CSMD2: variants seen among roughly 807,000 people sequenced by gnomAD.
The protein encoded by CSMD2 is CUB and sushi domain-containing protein 2.
Under a neutral mutation model 398.5 loss-of-function variants are expected in CSMD2, and 130 were observed. The observed-to-expected ratio is 0.33, with a 90% CI of 0.28 to 0.38. CSMD2 has a LOEUF of 0.38. Ranked by LOEUF, CSMD2 falls within the 10% of genes least tolerant of loss-of-function variation. The probability of loss-of-function intolerance (pLI) is 1.00; values close to 1 mark genes in which losing one functional copy is unlikely to be tolerated. For synonymous variants in CSMD2, 1,828 were observed against 1,908.5 expected (o/e 0.96, Z 1.10); for missense variants, 3,829 against 4,764.9 (o/e 0.80, Z 5.78).
At chr1:33,822,363 T>C (rs1658254231) in intron 7 of CSMD2, among the ~76,000 whole-genome samples, 1 of 152,054 alleles carries the variant, frequency 6.6e-6, no homozygotes, top group South Asian at 2.1e-4. Context: ...GGGAGCTCGT[T>C]TTAGACTCAC....
chr1:33,895,727 C>T (rs1363056339), intron 5 of CSMD2, among the ~76,000 whole-genome samples: 1 of 152,166 alleles, frequency 6.6e-6, no homozygotes, highest in African/African-American at 2.4e-5. Context: ...GAGGGGGATG[C>T]CGCATCTCAT....
chr1:34,052,168 T>TACACACACAC lies in CSMD2; in HGVS notation c.405-19472_405-19463dup, dbSNP rs35006153. Reference sequence around the variant, plus strand: ...AATTCCTTATAATAAAGCATATGTATACACACACACACACACACACACACA... The same window carrying TACACACACAC: ...AATTCCTTATAATAAAGCATATGTATACACACACACACACACACACACACACACACACACA... On this transcript the variant is annotated intron_variant, in intron 2 of 70. Transcript: ENST00000373381. Among the ~76,000 whole-genome samples the TACACACACAC allele has an allele frequency of 3.5e-3, 521 of 147,024 alleles. 2 individuals carry two copies. Among genetic ancestry groups the TACACACACAC allele is most frequent in the African/African-American group, 0.012 (493 of 39,806 alleles).
intron 10 of CSMD2, among the ~76,000 whole-genome samples, chr1:33,805,127 C>G (rs935815304): frequency 1.3e-5 from 2 of 152,262 alleles, no homozygotes; most frequent in Non-Finnish European, 2.9e-5. Flanking sequence ...GCTAGGCCTT[C>G]TGGGGGTGAA....
chr1:33,531,546 C>T (rs1655234473), intron 64 of CSMD2, among the ~76,000 whole-genome samples: 2 of 152,094 alleles, frequency 1.3e-5, no homozygotes, highest in South Asian at 4.1e-4. Flanking sequence ...TTTGTAATAG[C>T]CAAAAAGTGG....
At chr1:33,948,583 C>G (rs1644910120) in intron 3 of CSMD2, among the ~76,000 whole-genome samples, 1 of 152,230 alleles carries the variant, frequency 6.6e-6, no homozygotes, top group Admixed American at 6.5e-5. Flanking sequence ...CTCTCCCACA[C>G]ATTTGAATAA....
Position 34,051,956 on chromosome 1 carries a change from C to T in CSMD2, c.405-19250G>A, listed in dbSNP as rs115292942. Among the ~76,000 whole-genome samples the T allele has an allele frequency of 3.7e-3, 567 of 152,170 alleles. 6 individuals carry two copies. Among genetic ancestry groups the T allele is most frequent in the African/African-American group, 0.013 (535 of 41,506 alleles). ...CTAATGGGGGTGGGGGTTATCCAAT[C>T]CATTAAGGGCCTAAATAGAACAAAA... On this transcript the variant is annotated intron_variant, in intron 2 of 70. Coordinates refer to ENST00000373381, the MANE Select transcript of CSMD2 (RefSeq NM_001281956.2).
At chr1:33,553,950 C>G (rs529406799) in intron 55 of CSMD2, among the ~76,000 whole-genome samples, 1 of 152,202 alleles carries the variant, frequency 6.6e-6, no homozygotes, top group African/African-American at 2.4e-5. Context: ...GGCCCTGACC[C>G]TCTTCAATTC....
rs1197752830 is a variant in CSMD2, at chr1:33,756,122, C to T, written c.1847-12516G>A. 1.2e-4 allele frequency among the ~76,000 whole-genome samples: 18 copies of T among 152,294 alleles called. No individual in the cohort carries two copies. In the East Asian group the frequency reaches 3.3e-3, roughly 28 times the overall value. On this transcript the variant is annotated intron_variant, in intron 13 of 70. Coordinates refer to ENST00000373381, the MANE Select transcript of CSMD2 (RefSeq NM_001281956.2). Reference sequence around the variant, plus strand: ...GTCATTTGAAAGCTTTCCTCTCTACCTGGCTTTTACCTTTTGAAATATGAA... The same window carrying T: ...GTCATTTGAAAGCTTTCCTCTCTACTTGGCTTTTACCTTTTGAAATATGAA...
At chr1:34,068,204 C>T (rs1655329411) in intron 2 of CSMD2, among the ~76,000 whole-genome samples, 1 of 152,218 alleles carries the variant, frequency 6.6e-6, no homozygotes, top group South Asian at 2.1e-4. Flanking sequence ...AGTGAACAGC[C>T]TGAAGTCCTC....
intron 3 of CSMD2, among the ~76,000 whole-genome samples, chr1:34,028,200 G>A (rs1649929264): frequency 6.6e-6 from 1 of 151,938 alleles, no homozygotes; most frequent in African/African-American, 2.4e-5. Context: ...GCGTGTCTGC[G>A]GTCCCAGCTA....
chr1:34,103,354 A>G (rs1348512401), intron 1 of CSMD2, among the ~76,000 whole-genome samples: 1 of 130,916 alleles, frequency 7.6e-6, no homozygotes, highest in East Asian at 2.4e-4. Flanking sequence ...GCTGGAGTGC[A>G]GTGGTGCGAT....
rs576888796 is a variant in CSMD2 at position 34,123,816 on chromosome 1, AAC to A, written c.188-34625_188-34624del. On this transcript the variant is annotated intron_variant, in intron 1 of 70. Coordinates refer to ENST00000373381, the MANE Select transcript of CSMD2 (RefSeq NM_001281956.2). ...TGGCTGTGTGAGAGCAGGAAAAAAA[AAC>A]AACAACATGGCTTAAGAGAGCTTTT... 9.5e-3 allele frequency among the ~76,000 whole-genome samples: 1,454 copies of A among 152,254 alleles called. 19 individuals carry two copies. The highest frequency in any genetic ancestry group is 0.034 in the African/African-American group (1,397 of 41,516).
At chr1:34,084,701 A>G (rs1657654701) in intron 2 of CSMD2, among the ~76,000 whole-genome samples, 1 of 152,048 alleles carries the variant, frequency 6.6e-6, no homozygotes, top group Non-Finnish European at 1.5e-5. Flanking sequence ...CACCAGTTAG[A>G]ATGGCGATCA....
chr1:33,545,987 G>A lies in CSMD2; in HGVS notation c.9100+50C>T, dbSNP rs922044146. On this transcript the variant is annotated intron_variant, in intron 57 of 70. Coordinates refer to ENST00000373381, the MANE Select transcript of CSMD2 (RefSeq NM_001281956.2). Reference sequence around the variant, plus strand: ...TGGGAATAAGAGCAGGAGCAGGGGCGAGCTCTGGGGCTGGGCAAAGGGGAG... The same window carrying A: ...TGGGAATAAGAGCAGGAGCAGGGGCAAGCTCTGGGGCTGGGCAAAGGGGAG... The A allele has an allele frequency of 2.2e-5, 34 of 1,551,346 alleles. 1 individual carries two copies. The highest frequency in any genetic ancestry group is 1.0e-4 in the Admixed American group (6 of 57,822).
At chr1:33,953,188 G>A (rs2125374696) in intron 3 of CSMD2, among the ~76,000 whole-genome samples, 1 of 152,316 alleles carries the variant, frequency 6.6e-6, no homozygotes, top group African/African-American at 2.4e-5. Context: ...TACATTGGCT[G>A]GATGTTGTTG....
At position 33,521,486 on chromosome 1, in the gene CSMD2, C is replaced by T. The variant is rs747298393; in HGVS notation, c.10574G>A (p.Gly3525Glu). The change falls in exon 68 of 71, where the codon GGG becomes GAG. Residue 3525 changes from glycine (G) to glutamate (E), a missense_variant. Gly to Glu is a moderately conservative substitution (Grantham distance 98). Transcript: ENST00000373381. ...ACCCAGTCTTTGAAAGCCGAACTGC[C>T]CAAAGCCTTGGCCCTTGACAGAGCC... ...YQGSVKGQGF[G>E]QFGFQRLDLR... The T allele has an allele frequency of 9.9e-6, 16 of 1,613,422 alleles. No homozygotes were observed. The highest frequency in any genetic ancestry group is 1.4e-5 in the Non-Finnish European group (16 of 1,179,318).
chr1:33,913,471 A>G (rs145725845), intron 5 of CSMD2, among the ~76,000 whole-genome samples: 8 of 151,898 alleles, frequency 5.3e-5, no homozygotes, highest in African/African-American at 1.9e-4. Flanking sequence ...GCTCCATCTT[A>G]CTCTTTTCCT....
intron 5 of CSMD2, among the ~76,000 whole-genome samples, chr1:33,906,334 G>A (rs940620354): frequency 2.0e-5 from 3 of 152,246 alleles, no homozygotes; most frequent in African/African-American, 7.2e-5. Context: ...ATGATTGAAA[G>A]CTTTTGCCTG....
intron 25 of CSMD2, among the ~76,000 whole-genome samples, chr1:33,691,863 C>T (rs1645252542): frequency 6.6e-6 from 1 of 152,166 alleles, no homozygotes; most frequent in Admixed American, 6.5e-5. Context: ...ACTGTTTCCC[C>T]CCCAATTCCC....
Sources: allele counts gnomAD v4.1 joint callset (sites outside exome capture counted in the v4.1 genomes callset), GRCh38; gene constraint gnomAD v4.1.1; transcripts MANE v1.5; gene names NCBI Gene and HGNC (gene_info 2026-07-23, HGNC 2026-07-21).